Variants in BICC1 observed in about 807,000 individuals in gnomAD.
BICC1 encodes protein bicaudal C homolog 1.
A neutral mutation model predicts 111.0 loss-of-function variants in BICC1; 43 were observed. That is an observed-to-expected ratio of 0.39 (90% CI 0.30 to 0.50). The LOEUF (loss-of-function observed/expected upper bound fraction) is 0.50. Among genes scored for constraint, BICC1 ranks in the 20% least tolerant of loss-of-function variants. The probability of loss-of-function intolerance (pLI) is 0.88; values close to 1 mark genes in which losing one functional copy is unlikely to be tolerated. For synonymous variants in BICC1, 467 were observed against 434.4 expected, an observed-to-expected ratio of 1.07 and a Z score of -0.93; for missense variants, 1,091 against 1,203.2, an observed-to-expected ratio of 0.91 and a Z score of 1.38.
chr10:58,686,429 A>G (rs1169474531), intron 2 of BICC1, among the ~76,000 whole-genome samples: 2 of 152,190 alleles, frequency 1.3e-5, no homozygotes, highest in East Asian at 3.9e-4. Flanking sequence ...TAGTTTGGGG[A>G]AATTTCCCTG....
chr10:58,809,079 A>G (rs1220109311), intron 17 of BICC1, among the ~76,000 whole-genome samples: 5 of 151,616 alleles, frequency 3.3e-5, no homozygotes, highest in African/African-American at 9.7e-5. Flanking sequence ...CTGGAGTGCA[A>G]TGGCAGGATC....
intron 2 of BICC1, among the ~76,000 whole-genome samples, chr10:58,697,970 C>G (rs2132435818): frequency 6.6e-6 from 1 of 152,180 alleles, no homozygotes; most frequent in Middle Eastern, 3.4e-3. Context: ...ACTCCCATCA[C>G]TGGCTGAGGC....
intron 2 of BICC1, among the ~76,000 whole-genome samples, chr10:58,640,512 A>T (rs1588960855): frequency 6.6e-6 from 1 of 152,286 alleles, no homozygotes; most frequent in Non-Finnish European, 1.5e-5. Flanking sequence ...TGACCTCTTA[A>T]ATCTCTGAGA....
intron 17 of BICC1, among the ~76,000 whole-genome samples, chr10:58,810,158 C>A (rs1465234877): frequency 6.6e-6 from 1 of 152,198 alleles, no homozygotes; most frequent in African/African-American, 2.4e-5. Context: ...CATAGGAGCC[C>A]AAAAGGCTCT....
At chr10:58,585,614 C>T (rs947825044) in intron 1 of BICC1, among the ~76,000 whole-genome samples, 6 of 152,134 alleles carry the variant, frequency 3.9e-5, no homozygotes, top group Non-Finnish European at 8.8e-5. Context: ...TCTCATTGTG[C>T]ATTCTCCCTC....
At chr10:58,680,689 G>A (rs561963802) in intron 2 of BICC1, among the ~76,000 whole-genome samples, 1 of 152,276 alleles carries the variant, frequency 6.6e-6, no homozygotes, top group African/African-American at 2.4e-5. Flanking sequence ...AATTTCATGT[G>A]GAACCAAAAA....
chr10:58,738,161 A>C (rs879099366), intron 3 of BICC1, among the ~76,000 whole-genome samples: 7 of 152,074 alleles, frequency 4.6e-5, no homozygotes, highest in Non-Finnish European at 8.8e-5. Flanking sequence ...GAAGTCCTTG[A>C]CCATGCCTGT....
At chr10:58,657,516 G>C (rs1838698345) in intron 2 of BICC1, among the ~76,000 whole-genome samples, 1 of 152,104 alleles carries the variant, frequency 6.6e-6, no homozygotes, top group Admixed American at 6.6e-5. Context: ...AGAGTAGTAG[G>C]AGTGGTCTGG....
At chr10:58,753,833 C>A (rs1842062099) in intron 3 of BICC1, among the ~76,000 whole-genome samples, 1 of 151,828 alleles carries the variant, frequency 6.6e-6, no homozygotes, top group Admixed American at 6.6e-5. Flanking sequence ...CCCTTTTTGC[C>A]TTGCCTTGCC....
At chr10:58,806,539 A>T in intron 15 of BICC1, 45 bp from the exon 16 acceptor site, 1 of 1,573,416 alleles carries the variant, frequency 6.4e-7, no homozygotes, top group Non-Finnish European at 8.7e-7. Context: ...TTGGCATGAC[A>T]TTTGGAGAGA....
At chr10:58,583,729 T>C (rs903354929) in intron 1 of BICC1, among the ~76,000 whole-genome samples, 2 of 152,146 alleles carry the variant, frequency 1.3e-5, no homozygotes, top group South Asian at 2.1e-4. Flanking sequence ...GTTATAAACA[T>C]GTGTGTGAAA....
chr10:58,709,833 G>A (rs1158768092), intron 3 of BICC1, among the ~76,000 whole-genome samples: 1 of 152,168 alleles, frequency 6.6e-6, no homozygotes, highest in Non-Finnish European at 1.5e-5. Context: ...AATGAGGGAA[G>A]TGGAAGGAAA....
At chr10:58,742,150 G>C (rs879405019) in intron 3 of BICC1, among the ~76,000 whole-genome samples, 1 of 8,712 alleles carries the variant, frequency 1.1e-4, no homozygotes, top group Non-Finnish European at 2.3e-4. Flanking sequence ...AAAGTAGGCA[G>C]TTTGAAAACT....
intron 1 of BICC1, among the ~76,000 whole-genome samples, chr10:58,530,596 TTACTG>T (rs1300021296): frequency 2.0e-5 from 3 of 151,464 alleles, no homozygotes; most frequent in Admixed American, 2.0e-4. Context: ...GCCGAACTGT[TTACTG>T]TAGCCTCGCT....
rs116052304 is a variant in BICC1 at position 58,557,237 on chromosome 10, A to G, written c.190+43904A>G. ...TGTTTCTGATGAGAAATTGGCCATC[A>G]ACATTGTCTTTGTTGCCTTGTAGAT... On this transcript the variant is annotated intron_variant, in intron 1 of 20. Coordinates refer to ENST00000373886, the MANE Select transcript of BICC1 (RefSeq NM_001080512.3). Among the ~76,000 whole-genome samples the G allele has an allele frequency of 7.8e-3, 1,189 of 152,090 alleles. 18 individuals are homozygous for G. The highest frequency in any genetic ancestry group is 0.028 in the African/African-American group (1,142 of 41,488).
At chr10:58,688,238 A>G (rs1839804103) in intron 2 of BICC1, among the ~76,000 whole-genome samples, 2 of 151,966 alleles carry the variant, frequency 1.3e-5, no homozygotes, top group South Asian at 4.2e-4. Flanking sequence ...GCCAGCTTTA[A>G]TTCCCTTATT....
chr10:58,582,683 C>T (rs904473956), intron 1 of BICC1, among the ~76,000 whole-genome samples: 1 of 152,128 alleles, frequency 6.6e-6, no homozygotes, highest in South Asian at 2.1e-4. Flanking sequence ...GACAGAGCTG[C>T]GTTCCTTCTA....
intron 3 of BICC1, among the ~76,000 whole-genome samples, chr10:58,749,437 T>C (rs1308812605): frequency 1.3e-5 from 2 of 152,140 alleles, no homozygotes; most frequent in African/African-American, 2.4e-5. Flanking sequence ...ATTCAGTCTG[T>C]CTCCTCCTTT....
chr10:58,743,643 T>G (rs1331384127), intron 3 of BICC1, among the ~76,000 whole-genome samples: 1 of 152,100 alleles, frequency 6.6e-6, no homozygotes, highest in East Asian at 1.9e-4. Flanking sequence ...CAGTGCAGGC[T>G]CACAGTGTGT....
Sources: allele counts gnomAD v4.1 joint callset (sites outside exome capture counted in the v4.1 genomes callset), GRCh38; gene constraint gnomAD v4.1.1; transcripts MANE v1.5; gene names NCBI Gene and HGNC (gene_info 2026-07-23, HGNC 2026-07-21).